H2AJ: variants seen among roughly 807,000 people sequenced by gnomAD.
The protein encoded by H2AJ is H2A.J histone.
A neutral mutation model predicts 7.9 loss-of-function variants in H2AJ; 3 were observed. The ratio of observed to expected loss-of-function variants is 0.38; its 90% CI spans 0.17 to 0.98. The LOEUF (loss-of-function observed/expected upper bound fraction) is 0.98. H2AJ is among the 50% of genes least tolerant of loss of function. The probability of loss-of-function intolerance (pLI) is 0.39; values close to 1 mark genes in which losing one functional copy is unlikely to be tolerated. For missense variants in H2AJ, 128 were observed against 174.4 expected, an observed-to-expected ratio of 0.73 and a Z score of 1.50; for synonymous variants, 98 against 85.7, an observed-to-expected ratio of 1.14 and a Z score of -0.79.
chr12:14,776,539 CTG>C (rs1416714848), downstream of H2AJ: 4 of 167,028 alleles, frequency 2.4e-5, no homozygotes, highest in African/African-American at 2.4e-5. Flanking sequence ...GCTATTTACT[CTG>C]TGGTTTTGTC....
At chr12:14,776,375 A>G (rs573163438), downstream of H2AJ, 1 of 167,222 alleles carries the variant, frequency 6.0e-6, no homozygotes, top group South Asian at 2.1e-4. Flanking sequence ...CGTTAATATG[A>G]GAGATCAGCT....
chr12:14,774,737 C>T lies in H2AJ; in HGVS notation c.267C>T (p.Arg89=), dbSNP rs144838470. Residue 89 remains arginine, a synonymous_variant, in exon 1 of 1, where the codon CGC becomes CGT. Transcript: ENST00000544848. ...IIPRHLQLAI[R]NDEELNKLLG... ...CCCGCCACCTGCAGCTCGCCATCCGCAACGACGAGGAGTTAAACAAGCTGC... is the reference window on the plus strand; with the variant it reads ...CCCGCCACCTGCAGCTCGCCATCCGTAACGACGAGGAGTTAAACAAGCTGC... The T allele has an allele frequency of 5.8e-5, 93 of 1,614,094 alleles. No individual in the cohort carries two copies. Among genetic ancestry groups the T allele is most frequent in the Non-Finnish European group, 7.2e-5 (85 of 1,180,056 alleles).
At chr12:14,775,554 G>C (rs945063015), downstream of H2AJ, 55 of 382,112 alleles carry the variant, frequency 1.4e-4, 1 homozygote, top group South Asian at 7.8e-4. Context: ...TTTAATGAAG[G>C]AAACGTTCAA....
chr12:14,776,041 A>G (rs749617466), downstream of H2AJ: 3 of 167,076 alleles, frequency 1.8e-5, no homozygotes, highest in Admixed American at 6.5e-5. Context: ...ATCCTCAGCA[A>G]ATTTCATCCT....
downstream of H2AJ, chr12:14,777,191 T>C (rs1256167576): frequency 1.2e-5 from 2 of 167,110 alleles, no homozygotes; most frequent in Non-Finnish European, 2.9e-5. Flanking sequence ...ACAGTAGTTC[T>C]TGCTGATGTG....
At position 14,774,692 on chromosome 12, in the gene H2AJ, CAAG is replaced by C. The variant is rs761038378; in HGVS notation, c.227_229del (p.Lys76del). ...TGGCTGGCAACGCCGCGCGTGACAA[CAAG>C]AAGACCAGGATAATTCCCCGCCACC... On this transcript the variant is annotated inframe_deletion, in exon 1 of 1. Coordinates refer to ENST00000544848, the MANE Select transcript of H2AJ (RefSeq NM_177925.5). 1 of 1,614,210 alleles carries C rather than the reference CAAG, an allele frequency of 6.2e-7. No homozygotes were observed. Among genetic ancestry groups the C allele is most frequent in the Non-Finnish European group, 8.5e-7 (1 of 1,180,040 alleles).
Position 14,774,645 on chromosome 12 carries a change from C to T in H2AJ, c.175C>T (p.Leu59Phe). ...PVYLAAVLEY[L>F]TAEILELAGN... ...GTACCTGGCGGCGGTGTTGGAGTAC[C>T]TTACGGCGGAGATCCTGGAGCTGGC... is the stretch of plus-strand genomic sequence containing the variant. Residue 59 changes from leucine to phenylalanine, a missense_variant, in exon 1 of 1, where the codon CTT (leucine) becomes TTT (phenylalanine). Transcript: ENST00000544848. The T allele has an allele frequency of 6.2e-7, 1 of 1,614,160 alleles. No individual in the cohort carries two copies. The highest frequency in any genetic ancestry group is 8.5e-7 in the Non-Finnish European group (1 of 1,180,028).
downstream of H2AJ, chr12:14,777,071 C>T (rs1949651559): frequency 6.0e-6 from 1 of 167,178 alleles, no homozygotes; most frequent in Non-Finnish European, 1.5e-5. Flanking sequence ...TCAGTCAGCC[C>T]CTCACCATTT....
downstream of H2AJ, chr12:14,777,949 T>C (rs559660668): frequency 4.9e-3 from 816 of 167,186 alleles, 6 homozygotes; most frequent in Non-Finnish European, 6.9e-3. Context: ...TTAAAGGACA[T>C]CCACAATTCA....
chr12:14,777,746 G>A (rs1434019272), downstream of H2AJ: 1 of 167,080 alleles, frequency 6.0e-6, no homozygotes, highest in Non-Finnish European at 1.5e-5. Flanking sequence ...AGAATTGAGT[G>A]AATTAATGTG....
chr12:14,775,220 G>A, downstream of H2AJ: 1 of 484,740 alleles, frequency 2.1e-6, no homozygotes, highest in Non-Finnish European at 4.2e-6. Context: ...CTCGCTGTCA[G>A]TAGGGCAAAG....
At chr12:14,777,094 G>GT (rs3838353), downstream of H2AJ, 2,021 of 161,592 alleles carry the variant, frequency 0.013, 40 homozygotes, top group African/African-American at 0.045. Flanking sequence ...GTTTTTGAGA[G>GT]TTTTTTTTTT....
downstream of H2AJ, chr12:14,777,030 A>G (rs74699037): frequency 0.011 from 1,885 of 167,184 alleles, 32 homozygotes; most frequent in Admixed American, 0.06. Context: ...GATTCTTAGC[A>G]TCCCCTCACA....
At chr12:14,775,580 G>T (rs904117856), downstream of H2AJ, 75 of 371,882 alleles carry the variant, frequency 2.0e-4, no homozygotes, top group African/African-American at 1.3e-3. Context: ...GAGTCATGAG[G>T]TTGGAAATTC....
At chr12:14,777,610 C>A (rs1949657787), downstream of H2AJ, 1 of 167,178 alleles carries the variant, frequency 6.0e-6, no homozygotes. Flanking sequence ...TAGCTCTCTG[C>A]AATGAGACTT....
At chr12:14,775,727 G>T, downstream of H2AJ, 1 of 239,072 alleles carries the variant, frequency 4.2e-6, no homozygotes. Flanking sequence ...TTCACTTTGA[G>T]AATCGGTTTG....
Position 14,774,414 on chromosome 12 carries a change from T to G in H2AJ, c.-57T>G, listed in dbSNP as rs1211469359. 1.1e-5 allele frequency: 17 copies of G among 1,520,404 alleles called. No individual in the cohort carries two copies. In the Admixed American group the frequency reaches 3.3e-4, roughly 30 times the overall value. The allele number at this position is 1,520,404 out of a possible 1,614,324, so 94.2% of individuals were successfully genotyped here. Reference sequence around the variant, plus strand: ...TCGGGTGCGGTACGTTGCATTCCGGTACCGGACGCCGAGAGCGGTTTGTCT... The same window carrying G: ...TCGGGTGCGGTACGTTGCATTCCGGGACCGGACGCCGAGAGCGGTTTGTCT... On this transcript the variant is annotated 5_prime_UTR_variant, in exon 1 of 1. Coordinates refer to ENST00000544848, the MANE Select transcript of H2AJ (RefSeq NM_177925.5).
chr12:14,776,506 A>G (rs1349022788), downstream of H2AJ: 4 of 167,036 alleles, frequency 2.4e-5, no homozygotes, highest in Non-Finnish European at 4.4e-5. Flanking sequence ...GAGGCAAATT[A>G]TTGGGCAGGT....
In H2AJ at chr12:14,774,485, G is replaced by A. The variant is rs757837504; in HGVS notation, c.15G>A (p.Gly5=). The change falls in exon 1 of 1, where the codon GGG becomes GGA. Residue 5 remains glycine (G), a synonymous_variant. Coordinates refer to ENST00000544848, the MANE Select transcript of H2AJ (RefSeq NM_177925.5). ...GAGAGGTGATCATGTCCGGTCGCGG[G>A]AAACAGGGCGGCAAAGTGCGAGCAA... The part of the protein sequence containing the change: MSGR[G]KQGGKVRAKA... 18 of 1,572,656 alleles carry A rather than the reference G, an allele frequency of 1.1e-5. No homozygotes were observed. Among genetic ancestry groups the A allele is most frequent in the Non-Finnish European group, 1.6e-5 (18 of 1,161,206 alleles).
Sources: gnomAD v4.1 joint callset for allele counts on GRCh38, gnomAD v4.1.1 for gene constraint, MANE v1.5 for transcripts, NCBI Gene and HGNC (gene_info 2026-07-23, HGNC 2026-07-21) for gene names.